Variants in TBCK observed in about 807,000 individuals in gnomAD.
TBCK encodes the protein TBC domain-containing protein kinase-like protein.
TBCK carries 99 observed loss-of-function variants against 113.4 expected under a neutral mutation model. That is an observed-to-expected ratio of 0.87 (90% CI 0.74 to 1.03). The LOEUF (loss-of-function observed/expected upper bound fraction) is 1.03, where lower values mean the gene tolerates loss of function less well. Among genes scored for constraint, TBCK ranks in the 50% least tolerant of loss-of-function variants. TBCK has a pLI of 0.00. For missense variants in TBCK, 1,045 were observed against 1,061.3 expected, an observed-to-expected ratio of 0.98 and a Z score of 0.21; for synonymous variants, 369 against 370.8, an observed-to-expected ratio of 1.00 and a Z score of 0.05.
At chr4:106,243,616 G>A (rs1163450897) in intron 11 of TBCK, among the ~76,000 whole-genome samples, 2 of 149,860 alleles carry the variant, frequency 1.3e-5, no homozygotes, top group Admixed American at 1.3e-4. Context: ...AAAAAGTAAA[G>A]AAAAAAATGA....
intron 22 of TBCK, among the ~76,000 whole-genome samples, chr4:106,188,555 C>T (rs2149798719): frequency 6.6e-6 from 1 of 152,160 alleles, no homozygotes; most frequent in South Asian, 2.1e-4. Context: ...AGCAGGAATC[C>T]TTTCACAAAC....
intron 22 of TBCK, among the ~76,000 whole-genome samples, chr4:106,184,059 G>C (rs1047375109): frequency 6.6e-6 from 1 of 151,982 alleles, no homozygotes; most frequent in Non-Finnish European, 1.5e-5. Context: ...ACTTACTAGG[G>C]CTTCACCAAA....
intron 23 of TBCK, among the ~76,000 whole-genome samples, chr4:106,144,356 G>C (rs1306745168): frequency 6.6e-6 from 1 of 152,082 alleles, no homozygotes; most frequent in Non-Finnish European, 1.5e-5. Flanking sequence ...GGCATGGCAG[G>C]GGCATTGCTC....
chr4:106,303,101 C>T (rs1767120627), intron 2 of TBCK, among the ~76,000 whole-genome samples: 1 of 152,134 alleles, frequency 6.6e-6, no homozygotes, highest in African/African-American at 2.4e-5. Context: ...GATTTCAGCT[C>T]CCACTTACTC....
At chr4:106,184,419 G>A (rs1033200983) in intron 22 of TBCK, among the ~76,000 whole-genome samples, 22 of 151,948 alleles carry the variant, frequency 1.4e-4, no homozygotes, top group Admixed American at 3.9e-4. Context: ...ACCAGGACAA[G>A]GGAGTAATAC....
At chr4:106,084,016 G>A (rs1033975452) in intron 25 of TBCK, among the ~76,000 whole-genome samples, 2 of 152,152 alleles carry the variant, frequency 1.3e-5, no homozygotes, top group Admixed American at 1.3e-4. Context: ...AACCCCAAAA[G>A]CCAGAGTGCC....
At chr4:106,278,880 A>C (rs1198988634) in intron 3 of TBCK, among the ~76,000 whole-genome samples, 1 of 152,030 alleles carries the variant, frequency 6.6e-6, no homozygotes, top group Non-Finnish European at 1.5e-5. Context: ...CCAAAAAATA[A>C]AATATAGCTA....
chr4:106,202,475 A>G (rs1334492375), intron 20 of TBCK, among the ~76,000 whole-genome samples: 1 of 152,132 alleles, frequency 6.6e-6, no homozygotes, highest in Middle Eastern at 3.4e-3. Flanking sequence ...CAGAGACACC[A>G]TCATTATAGA....
At chr4:106,196,575 G>GAAAT (rs1491480689) in intron 20 of TBCK, among the ~76,000 whole-genome samples, 1 of 151,780 alleles carries the variant, frequency 6.6e-6, no homozygotes, top group Non-Finnish European at 1.5e-5. Flanking sequence ...TACTACATGT[G>GAAAT]AAATAAAACC....
chr4:106,123,475 C>T (rs1024970171), intron 23 of TBCK, among the ~76,000 whole-genome samples: 2 of 152,252 alleles, frequency 1.3e-5, no homozygotes, highest in Non-Finnish European at 2.9e-5. Context: ...TCAATGCCAT[C>T]CCCATAAAGC....
chr4:106,233,319 A>T (rs1190482771), intron 16 of TBCK, among the ~76,000 whole-genome samples: 1 of 152,050 alleles, frequency 6.6e-6, no homozygotes, highest in African/African-American at 2.4e-5. Context: ...ACTTTTCAAA[A>T]ATATTTTCCT....
chr4:106,234,284 C>A (rs1759209892), intron 15 of TBCK, among the ~76,000 whole-genome samples: 1 of 151,978 alleles, frequency 6.6e-6, no homozygotes, highest in African/African-American at 2.4e-5. Context: ...TTATATTGTT[C>A]TACAAGTCTA....
In TBCK at chr4:106,089,422, T is replaced by C. The variant is rs866321126; in HGVS notation, c.2571+6060A>G. ...AAATGAGATTTGGAGGGGACAAACA[T>C]CCAAACCACATCATTCTGCCTCTGA... On this transcript the variant is annotated intron_variant, in intron 25 of 25. Transcript: ENST00000394708. Among the ~76,000 whole-genome samples the C allele has an allele frequency of 1.3e-3, 191 of 152,106 alleles. 1 individual carries two copies. The highest frequency in any genetic ancestry group is 4.2e-3 in the African/African-American group (176 of 41,420).
At chr4:106,101,465 T>C (rs186759017) in intron 24 of TBCK, among the ~76,000 whole-genome samples, 1 of 152,192 alleles carries the variant, frequency 6.6e-6, no homozygotes, top group African/African-American at 2.4e-5. Context: ...GCTCTGCTCA[T>C]GAGTATCTTT....
intron 9 of TBCK, chr4:106,247,511 T>A: frequency 2.5e-6 from 1 of 407,658 alleles, no homozygotes. Flanking sequence ...TACCTCATGA[T>A]GTATCAAAAA....
At chr4:106,196,039 G>C (rs1754197204) in intron 20 of TBCK, among the ~76,000 whole-genome samples, 1 of 151,912 alleles carries the variant, frequency 6.6e-6, no homozygotes, top group East Asian at 1.9e-4. Context: ...GTATTATGAA[G>C]CATGTGCTTT....
chr4:106,256,639 G>C (rs1223466086), intron 5 of TBCK, among the ~76,000 whole-genome samples: 1 of 152,124 alleles, frequency 6.6e-6, no homozygotes, highest in Non-Finnish European at 1.5e-5. Flanking sequence ...TGGGTCTGCA[G>C]CACCAACTTA....
In TBCK at chr4:106,085,841, C is replaced by T. The variant is rs1739429593; in HGVS notation, c.2571+9641G>A. Among the ~76,000 whole-genome samples the T allele has an allele frequency of 5.3e-5, 8 of 152,194 alleles. No individual in the cohort carries two copies. In the South Asian group the frequency reaches 1.7e-3, roughly 32 times the overall value. On this transcript the variant is annotated intron_variant, in intron 25 of 25. Coordinates refer to ENST00000394708, the MANE Select transcript of TBCK (RefSeq NM_001163435.3). ...TTCATGGAAATTGAACAACCTGTTC[C>T]TTAATGACTCCTGGGTAAATAACAA...
At chr4:106,217,079 A>C (rs573768091) in intron 19 of TBCK, among the ~76,000 whole-genome samples, 1 of 151,720 alleles carries the variant, frequency 6.6e-6, no homozygotes, top group East Asian at 1.9e-4. Flanking sequence ...AAATCAATAA[A>C]TGTAATCCAG....
Sources: allele counts gnomAD v4.1 joint callset (sites outside exome capture counted in the v4.1 genomes callset), GRCh38; gene constraint gnomAD v4.1.1; transcripts MANE v1.5; gene names NCBI Gene and HGNC (gene_info 2026-07-23, HGNC 2026-07-21).